CCDC181: variants seen among roughly 807,000 people sequenced by gnomAD.
CCDC181 encodes the protein coiled-coil domain containing 181.
A neutral mutation model predicts 58.7 loss-of-function variants in CCDC181; 35 were observed. The observed-to-expected ratio is 0.60, with a 90% CI of 0.46 to 0.79. The LOEUF (loss-of-function observed/expected upper bound fraction) is 0.79, where lower values mean the gene tolerates loss of function less well. Ranked by LOEUF, CCDC181 falls within the 30% of genes least tolerant of loss-of-function variation. The pLI is 0.00. For synonymous variants in CCDC181, 183 were observed against 197.5 expected (o/e 0.93, Z 0.62); for missense variants, 517 against 583.9 (o/e 0.89, Z 1.18).
At chr1:169,429,423 TA>T (rs1430961743), upstream of CCDC181, among the ~76,000 whole-genome samples, 2 of 152,232 alleles carry the variant, frequency 1.3e-5, no homozygotes, top group African/African-American at 4.8e-5. Context: ...CCATCACCAG[TA>T]TAAAAGTGTT....
intron 2 of CCDC181, among the ~76,000 whole-genome samples, chr1:169,457,301 A>G (rs1272944869): frequency 6.6e-6 from 1 of 152,090 alleles, no homozygotes; most frequent in East Asian, 1.9e-4. Context: ...CTAAATTCTC[A>G]TTCTTAACAT....
At chr1:169,432,910 C>T (rs1293338652) in intron 2 of CCDC181, among the ~76,000 whole-genome samples, 2 of 152,038 alleles carry the variant, frequency 1.3e-5, no homozygotes. Flanking sequence ...AGACAGAAAG[C>T]TTTTCATCTA....
At chr1:169,438,109 C>A (rs1657106149) in intron 2 of CCDC181, among the ~76,000 whole-genome samples, 1 of 152,080 alleles carries the variant, frequency 6.6e-6, no homozygotes, top group East Asian at 1.9e-4. Flanking sequence ...CATGTTCTAT[C>A]CTGTGATATC....
chr1:169,430,684 CAAAT>C (rs1656895244), upstream of CCDC181, among the ~76,000 whole-genome samples: 2 of 150,820 alleles, frequency 1.3e-5, no homozygotes, highest in African/African-American at 2.4e-5. Context: ...AAAAAACACA[CAAAT>C]AAAGCAAGGA....
chr1:169,404,619 C>G (rs1354773802), intron 4 of CCDC181, among the ~76,000 whole-genome samples: 1 of 152,042 alleles, frequency 6.6e-6, no homozygotes, highest in Non-Finnish European at 1.5e-5. Context: ...AGCCCTTTAT[C>G]CTAAAAACTC....
At chr1:169,438,642 G>T (rs1417381306) in intron 2 of CCDC181, among the ~76,000 whole-genome samples, 1 of 152,118 alleles carries the variant, frequency 6.6e-6, no homozygotes, top group East Asian at 1.9e-4. Flanking sequence ...TTCTCCTGTT[G>T]GTCCCTGTTG....
intron 1 of CCDC181, among the ~76,000 whole-genome samples, chr1:169,425,817 G>C (rs3766100): frequency 0.084 from 12,816 of 152,078 alleles, 736 homozygotes; most frequent in Admixed American, 0.19. Flanking sequence ...AATATTATAA[G>C]AATATTTCTT....
chr1:169,395,106 G>C lies in CCDC181; in HGVS notation c.1471C>G (p.Gln491Glu), dbSNP rs951714054. 6.2e-7 allele frequency: 1 copy of C among 1,613,654 alleles called. No individual in the cohort carries two copies. The highest frequency in any genetic ancestry group is 8.5e-7 in the Non-Finnish European group (1 of 1,179,812). ...RLEAKRSKQL[Q>E]HHLYMSEAKP... ...GCTTCTGACATATATAGGTGGTGCTGTAACTGTTTAGAACGCTTAGCTTCT... is the reference window on the plus strand; with the variant it reads ...GCTTCTGACATATATAGGTGGTGCTCTAACTGTTTAGAACGCTTAGCTTCT... Residue 491 changes from glutamine (Q) to glutamate (E), a missense_variant, in exon 6 of 6, where the codon CAG becomes GAG. By Grantham distance (29) the Gln-to-Glu change is conservative. Coordinates refer to ENST00000367806, the MANE Select transcript of CCDC181 (RefSeq NM_001300969.2).
At chr1:169,431,785 A>G (rs760470058), upstream of CCDC181, among the ~76,000 whole-genome samples, 1 of 152,172 alleles carries the variant, frequency 6.6e-6, no homozygotes, top group South Asian at 2.1e-4. Flanking sequence ...CCTATTGATG[A>G]GGGTCTATGT....
chr1:169,430,850 A>G (rs1038641264), upstream of CCDC181, among the ~76,000 whole-genome samples: 2 of 152,160 alleles, frequency 1.3e-5, no homozygotes, highest in Non-Finnish European at 2.9e-5. Context: ...GACACTTTAC[A>G]TTGGTTCACC....
In CCDC181 at chr1:169,413,512, TA is replaced by T. The variant is rs543976419; in HGVS notation, c.1215+5500del. Among the ~76,000 whole-genome samples, 276 of 152,268 alleles carry T rather than the reference TA, an allele frequency of 1.8e-3. 1 individual carries two copies. Among genetic ancestry groups the T allele is most frequent in the African/African-American group, 6.2e-3 (257 of 41,544 alleles). On this transcript the variant is annotated intron_variant, in intron 4 of 5. Coordinates refer to ENST00000367806, the MANE Select transcript of CCDC181 (RefSeq NM_001300969.2). ...ATACCATTTGACCCAGCAATCCCAT[TA>T]CTGGATTATATACCCGAAGGATTAT... is the stretch of plus-strand genomic sequence containing the variant.
intron 4 of CCDC181, among the ~76,000 whole-genome samples, chr1:169,408,636 A>G (rs1404030125): frequency 1.3e-5 from 2 of 152,154 alleles, no homozygotes; most frequent in African/African-American, 4.8e-5. Flanking sequence ...GAGACACCTC[A>G]CACAGGAGAG....
At chr1:169,434,787 T>C (rs1657011235) in intron 2 of CCDC181, among the ~76,000 whole-genome samples, 1 of 152,088 alleles carries the variant, frequency 6.6e-6, no homozygotes, top group South Asian at 2.1e-4. Context: ...TCACTACTGC[T>C]ATTAAACATA....
intron 2 of CCDC181, among the ~76,000 whole-genome samples, chr1:169,445,636 A>G (rs184243466): frequency 8.4e-4 from 128 of 152,268 alleles, no homozygotes; most frequent in Middle Eastern, 3.4e-3. Flanking sequence ...TAGGATAATG[A>G]TGTCCTTATA....
At chr1:169,450,016 G>A (rs1037129867) in intron 2 of CCDC181, among the ~76,000 whole-genome samples, 6 of 152,182 alleles carry the variant, frequency 3.9e-5, no homozygotes, top group African/African-American at 1.2e-4. Context: ...TATGACAATA[G>A]AGCCCGATTG....
Position 169,394,891 on chromosome 1 carries a change from AT to A in CCDC181, c.*155del. The A allele has an allele frequency of 1.6e-6, 1 of 618,794 alleles. No individual in the cohort carries two copies. Among genetic ancestry groups the A allele is most frequent in the East Asian group, 3.1e-5 (1 of 32,468 alleles). 38.3% of individuals were successfully genotyped at this position (618,794 alleles called of 1,614,324 possible). On this transcript the variant is annotated 3_prime_UTR_variant, in exon 6 of 6. Coordinates refer to ENST00000367806, the MANE Select transcript of CCDC181 (RefSeq NM_001300969.2). ...CACATTACAACACTGTGAGAAAAAA[AT>A]TTATTTTGTTCTAGTATTAAAAAAA... is the stretch of plus-strand genomic sequence containing the variant.
intron 2 of CCDC181, among the ~76,000 whole-genome samples, chr1:169,436,713 T>A (rs918404548): frequency 1.3e-5 from 2 of 152,226 alleles, no homozygotes; most frequent in Non-Finnish European, 2.9e-5. Context: ...AAAGGTTGAT[T>A]TCACTATTAC....
chr1:169,447,939 C>T (rs566522742), intron 2 of CCDC181, among the ~76,000 whole-genome samples: 1 of 151,958 alleles, frequency 6.6e-6, no homozygotes, highest in South Asian at 2.1e-4. Flanking sequence ...CTTTTTCTGC[C>T]TTGTCTTGTT....
chr1:169,443,216 A>T (rs1657283361), intron 2 of CCDC181: 1 of 152,100 alleles, frequency 6.6e-6, no homozygotes, highest in East Asian at 1.9e-4. Context: ...TCTTAAAACA[A>T]GTGCTCTAAG....
Sources: allele counts gnomAD v4.1 joint callset (sites outside exome capture counted in the v4.1 genomes callset), GRCh38; gene constraint gnomAD v4.1.1; transcripts MANE v1.5; gene names NCBI Gene and HGNC (gene_info 2026-07-23, HGNC 2026-07-21).